MAML1: variants seen among roughly 807,000 people sequenced by gnomAD.
MAML1 encodes mastermind-like protein 1.
In MAML1, 14 loss-of-function variants were observed where a neutral mutation model predicts 77.1. The observed-to-expected ratio is 0.18, with a 90% CI of 0.12 to 0.28. MAML1 has a LOEUF of 0.28. Ranked by LOEUF, MAML1 falls within the 10% of genes least tolerant of loss-of-function variation. The pLI is 1.00. For synonymous variants in MAML1, 516 were observed against 551.9 expected, an observed-to-expected ratio of 0.93 and a Z score of 0.91; for missense variants, 1,217 against 1,327.8, an observed-to-expected ratio of 0.92 and a Z score of 1.30.
chr5:179,768,184 C>A (rs545933122), intron 2 of MAML1, among the ~76,000 whole-genome samples: 1 of 152,342 alleles, frequency 6.6e-6, no homozygotes, highest in East Asian at 1.9e-4. Flanking sequence ...AGGCCGGGTG[C>A]AGTGGCTCAT....
chr5:179,757,667 C>T (rs549245059), intron 1 of MAML1, among the ~76,000 whole-genome samples: 13 of 152,158 alleles, frequency 8.5e-5, no homozygotes, highest in African/African-American at 2.9e-4. Context: ...TATGTCTTAA[C>T]GTCACACATC....
Position 179,774,661 on chromosome 5 carries a change from T to A in MAML1, c.2835T>A (p.Pro945=), listed in dbSNP as rs1251369948. Residue 945 remains proline, a synonymous_variant, in exon 5 of 5, where the codon CCT becomes CCA. Coordinates refer to ENST00000292599, the MANE Select transcript of MAML1 (RefSeq NM_014757.5). The part of the protein sequence containing the change: ...GPELGAFSQS[P]ASQMGGRAGL... ...AGCTGGGGGCCTTCAGCCAGAGCCC[T>A]GCCTCACAGATGGGCGGTCGGGCGG... 1 of 1,610,686 alleles carries A rather than the reference T, an allele frequency of 6.2e-7. No individual in the cohort carries two copies. Among genetic ancestry groups the A allele is most frequent in the Non-Finnish European group, 8.5e-7 (1 of 1,179,408 alleles).
Position 179,768,970 on chromosome 5 carries a change from G to A in MAML1, c.1852G>A (p.Ala618Thr), listed in dbSNP as rs926948078. The change falls in exon 3 of 5, where the codon GCC becomes ACC. Residue 618 changes from alanine (A) to threonine (T), a missense_variant. This residue lies in a region of MAML1 where 884 missense variants were observed against 949.3 expected (regional missense o/e 0.93). Transcript: ENST00000292599. ...SSPYLSSQQQAAVMKQHQLLL... is the reference protein window; with the variant it reads ...SSPYLSSQQQTAVMKQHQLLL... ...CCCCTATCTCAGCAGCCAGCAACAGGCCGCTGTAATGAAGCAGCATCAGTT... is the reference window on the plus strand; with the variant it reads ...CCCCTATCTCAGCAGCCAGCAACAGACCGCTGTAATGAAGCAGCATCAGTT... The A allele has an allele frequency of 5.0e-6, 8 of 1,614,080 alleles. No homozygotes were observed. The Admixed American group carries it at 6.7e-5, about 13-fold the overall frequency.
At position 179,774,113 on chromosome 5, in the gene MAML1, A is replaced by G; in HGVS notation, c.2287A>G (p.Ile763Val). Reference sequence around the variant, plus strand: ...CAGCCTCTATGGCATGGCTTCTGGCATAACCCAGATAGTTGCCCAGCCCCC... The same window carrying G: ...CAGCCTCTATGGCATGGCTTCTGGCGTAACCCAGATAGTTGCCCAGCCCCC... The part of the protein sequence containing the change: ...QSSLYGMASG[I>V]TQIVAQPPPQ... The change falls in exon 5 of 5, where the codon ATA (isoleucine) becomes GTA (valine). Residue 763 changes from isoleucine (I) to valine (V), a missense_variant. This residue lies in a region of MAML1 where 884 missense variants were observed against 949.3 expected (regional missense o/e 0.93). Transcript: ENST00000292599. The G allele has an allele frequency of 6.2e-7, 1 of 1,613,616 alleles. No individual in the cohort carries two copies. Among genetic ancestry groups the G allele is most frequent in the Non-Finnish European group, 8.5e-7 (1 of 1,180,012 alleles).
At chr5:179,740,021 C>T (rs188663995) in intron 1 of MAML1, among the ~76,000 whole-genome samples, 26 of 152,272 alleles carry the variant, frequency 1.7e-4, no homozygotes, top group African/African-American at 6.0e-4. Context: ...AAATTAAAAG[C>T]AGAGTCATGT....
At chr5:179,744,617 A>G (rs1246149477) in intron 1 of MAML1, among the ~76,000 whole-genome samples, 3 of 150,666 alleles carry the variant, frequency 2.0e-5, no homozygotes, top group African/African-American at 4.9e-5. Flanking sequence ...GCTCACTGCA[A>G]CCTCCGCCTC....
chr5:179,774,104 G>T lies in MAML1; in HGVS notation c.2278G>T (p.Ala760Ser), dbSNP rs1428228496. The T allele has an allele frequency of 6.2e-7, 1 of 1,613,754 alleles. No individual in the cohort carries two copies. The highest frequency in any genetic ancestry group is 1.1e-5 in the South Asian group (1 of 91,088). The change falls in exon 5 of 5, where the codon GCT becomes TCT. Residue 760 changes from alanine to serine, a missense_variant. By Grantham distance (99) the Ala-to-Ser change is moderately conservative. Transcript: ENST00000292599. ...GCCTCAGAGCAGCCTCTATGGCATG[G>T]CTTCTGGCATAACCCAGATAGTTGC... Reference protein sequence around the residue: ...NMPQSSLYGMASGITQIVAQP... With the variant: ...NMPQSSLYGMSSGITQIVAQP...
At chr5:179,768,748 A>G in intron 2 of MAML1, 102 bp from the exon 3 acceptor site, 1 of 1,428,012 alleles carries the variant, frequency 7.0e-7, no homozygotes, top group South Asian at 1.3e-5. Flanking sequence ...GAAGGGAAGC[A>G]GAGACTTGGC....
chr5:179,743,744 TTTTG>T (rs1398758875), intron 1 of MAML1, among the ~76,000 whole-genome samples: 22 of 152,282 alleles, frequency 1.4e-4, no homozygotes, highest in African/African-American at 5.1e-4. Context: ...TAATGCATTT[TTTTG>T]TTTATCAATT....
chr5:179,755,944 T>G (rs886769424), intron 1 of MAML1, among the ~76,000 whole-genome samples: 5 of 151,484 alleles, frequency 3.3e-5, no homozygotes, highest in Non-Finnish European at 5.9e-5. Context: ...TTTTGTATTT[T>G]TAGTAGAGAG....
chr5:179,743,734 T>C (rs767183904), intron 1 of MAML1, among the ~76,000 whole-genome samples: 3 of 152,132 alleles, frequency 2.0e-5, no homozygotes, highest in Admixed American at 6.6e-5. Flanking sequence ...TGAAAACTTA[T>C]AATGCATTTT....
At chr5:179,755,913 C>T (rs1396932910) in intron 1 of MAML1, among the ~76,000 whole-genome samples, 1 of 151,584 alleles carries the variant, frequency 6.6e-6, no homozygotes, top group Admixed American at 6.6e-5. Context: ...TACAGGAGCC[C>T]ACCACCACGC....
At chr5:179,745,421 G>A (rs953627487) in intron 1 of MAML1, among the ~76,000 whole-genome samples, 2 of 151,768 alleles carry the variant, frequency 1.3e-5, no homozygotes, top group Non-Finnish European at 1.5e-5. Flanking sequence ...AAACTATAAA[G>A]GAAAGTAATA....
At chr5:179,752,391 T>C (rs1779512399) in intron 1 of MAML1, among the ~76,000 whole-genome samples, 1 of 143,952 alleles carries the variant, frequency 6.9e-6, no homozygotes, top group Admixed American at 7.1e-5. Context: ...ATTAAAGATA[T>C]TAAGATTTTT....
chr5:179,748,317 A>C (rs1779420630), intron 1 of MAML1, among the ~76,000 whole-genome samples: 1 of 152,054 alleles, frequency 6.6e-6, no homozygotes, highest in Non-Finnish European at 1.5e-5. Flanking sequence ...CCTGACCTCA[A>C]GTGATCCACC....
In MAML1 at chr5:179,765,407, C is replaced by G. The variant is rs1254813819; in HGVS notation, c.397C>G (p.Leu133Val). ...NGDQQNGYGDLFPGHKKTRRE... is the reference protein window; with the variant it reads ...NGDQQNGYGDVFPGHKKTRRE... ...CGATCAACAGAATGGCTACGGGGAC[C>G]TCTTTCCTGGGCATAAGAAGACTCG... Residue 133 changes from leucine (L) to valine (V), a missense_variant, in exon 2 of 5, where the codon CTC becomes GTC. Physicochemically the swap from Leu to Val is conservative, Grantham distance 32 (BLOSUM62 1). Coordinates refer to ENST00000292599, the MANE Select transcript of MAML1 (RefSeq NM_014757.5). 1.9e-6 allele frequency: 3 copies of G among 1,614,182 alleles called. No homozygotes were observed. The highest frequency in any genetic ancestry group is 1.1e-5 in the South Asian group (1 of 91,084).
chr5:179,752,598 C>CTTTTT (rs1172970221), intron 1 of MAML1, among the ~76,000 whole-genome samples: 4 of 71,820 alleles, frequency 5.6e-5, no homozygotes, highest in African/African-American at 1.5e-4. Context: ...ATTAGATACT[C>CTTTTT]TTTTTTTTTT....
intron 1 of MAML1, among the ~76,000 whole-genome samples, chr5:179,743,945 G>T (rs1169879158): frequency 6.6e-6 from 1 of 151,996 alleles, no homozygotes; most frequent in East Asian, 1.9e-4. Context: ...AAATAAAATG[G>T]TTACATCAGT....
chr5:179,768,568 T>C (rs1317571388), intron 2 of MAML1, among the ~76,000 whole-genome samples: 2 of 152,388 alleles, frequency 1.3e-5, no homozygotes, highest in East Asian at 1.9e-4. Flanking sequence ...TGTGCAAATA[T>C]GAAAGCTTAC....
Sources: allele counts gnomAD v4.1 joint callset (sites outside exome capture counted in the v4.1 genomes callset), GRCh38; gene constraint gnomAD v4.1.1; regional missense constraint gnomAD v4.1.1; transcripts MANE v1.5; gene names NCBI Gene and HGNC (gene_info 2026-07-23, HGNC 2026-07-21).